The following CORO7 variants were observed in gnomAD, a reference collection of about 807,000 sequenced individuals.
The protein encoded by CORO7 is coronin-7.
A neutral mutation model predicts 126.6 loss-of-function variants in CORO7; 107 were observed. That is an observed-to-expected ratio of 0.85 (90% CI 0.72 to 0.99). The LOEUF (loss-of-function observed/expected upper bound fraction) is 0.99, where lower values mean the gene tolerates loss of function less well. Among genes scored for constraint, CORO7 ranks in the 50% least tolerant of loss-of-function variants. The pLI, the probability that CORO7 is intolerant of heterozygous loss-of-function variation, is 0.00. For synonymous variants in CORO7, 603 were observed against 536.8 expected, an observed-to-expected ratio of 1.12 and a Z score of -1.70; for missense variants, 1,314 against 1,255.8, an observed-to-expected ratio of 1.05 and a Z score of -0.70.
rs1416852176 is a variant in CORO7, at chr16:4,413,306, A to T, written c.157+2T>A. The T allele has an allele frequency of 1.3e-6, 2 of 1,572,552 alleles. No homozygotes were observed. The highest frequency in any genetic ancestry group is 1.7e-6 in the Non-Finnish European group (2 of 1,157,562). On this transcript the variant is annotated splice_donor_variant, in intron 2 of 27. Transcript: ENST00000251166. LOFTEE classifies it high-confidence loss of function. Reference sequence around the variant, plus strand: ...ATATCCACACTCATGGCCATTCCCTACCAGGACGGTCGGAGTTGAAGGCGA... The same window carrying T: ...ATATCCACACTCATGGCCATTCCCTTCCAGGACGGTCGGAGTTGAAGGCGA...
At chr16:4,405,888 C>T (rs933045900) in intron 5 of CORO7, among the ~76,000 whole-genome samples, 7 of 152,140 alleles carry the variant, frequency 4.6e-5, no homozygotes, top group Non-Finnish European at 8.8e-5. Flanking sequence ...CCCTAAGCCT[C>T]TATTCCTGCC....
At chr16:4,365,107 G>A in intron 10 of CORO7, 47 bp from the exon 11 acceptor site, 1 of 1,559,070 alleles carries the variant, frequency 6.4e-7, no homozygotes, top group Non-Finnish European at 8.7e-7. Context: ...GAACCCCTGG[G>A]GAGGGCCCAG....
Position 4,357,259 on chromosome 16 carries a change from A to G in CORO7, c.2594T>C (p.Val865Ala). 1 of 1,612,058 alleles carries G rather than the reference A, an allele frequency of 6.2e-7. No individual in the cohort carries two copies. Among genetic ancestry groups the G allele is most frequent in the Non-Finnish European group, 8.5e-7 (1 of 1,179,406 alleles). The stretch of plus-strand genomic sequence containing the variant: ...AGGGGCCTCTCGGGGGGCTTGGCTC[A>G]CTGGGACAGAGCAAGGACACGTGTC... ...LSLQPPDMSP[V>A]SQAPREAPAR... Residue 865 changes from valine to alanine, a missense_variant and splice_region_variant, in exon 26 of 28, where the codon GTG becomes GCG. Transcript: ENST00000251166.
At chr16:4,378,643 G>A (rs1002194224) in intron 9 of CORO7, among the ~76,000 whole-genome samples, 6 of 152,036 alleles carry the variant, frequency 3.9e-5, no homozygotes, top group Non-Finnish European at 7.4e-5. Flanking sequence ...GGCTGGCCGG[G>A]CCAGGGACGC....
intron 7 of CORO7, among the ~76,000 whole-genome samples, chr16:4,389,471 G>A (rs2055311030): frequency 6.6e-6 from 1 of 152,184 alleles, no homozygotes; most frequent in Admixed American, 6.5e-5. Context: ...AACTTCCCAC[G>A]ATCTCCTTGG....
rs1941992965 is a variant in CORO7, at chr16:4,360,679, G to T, written c.1918-131C>A. 5.2e-6 allele frequency: 7 copies of T among 1,357,442 alleles called. 1 individual carries two copies. Among genetic ancestry groups the T allele is most frequent in the Middle Eastern group, 2.6e-4 (1 of 3,896 alleles). The allele number at this position is 1,357,442 out of a possible 1,614,324, so 84.1% of individuals were successfully genotyped here. The stretch of plus-strand genomic sequence containing the variant: ...CTGTTCCCGCCTCTCCTCACTGCTG[G>T]TCTTGCCTCTCCTCACTGCTGGCCC... On this transcript the variant is annotated intron_variant, in intron 19 of 27. Coordinates refer to ENST00000251166, the MANE Select transcript of CORO7 (RefSeq NM_024535.5).
intron 7 of CORO7, 54 bp from the exon 8 acceptor site, chr16:4,388,685 GC>G (rs2055282272): frequency 6.4e-7 from 1 of 1,564,996 alleles, no homozygotes. Flanking sequence ...GGTGGGCGGG[GC>G]CCCCTGGAAT....
chr16:4,369,716 C>T (rs1467266778), intron 9 of CORO7, among the ~76,000 whole-genome samples: 8 of 152,164 alleles, frequency 5.3e-5, no homozygotes, highest in Non-Finnish European at 1.0e-4. Context: ...TCCAGCCCAT[C>T]CCTCCCGCTC....
At chr16:4,387,769 G>C in intron 9 of CORO7, 1 of 598,478 alleles carries the variant, frequency 1.7e-6, no homozygotes, top group South Asian at 2.1e-5. Flanking sequence ...TCTGCTACCA[G>C]GGGCCAGAGG....
intron 6 of CORO7, among the ~76,000 whole-genome samples, chr16:4,402,047 T>C (rs2055829696): frequency 6.6e-6 from 1 of 151,840 alleles, no homozygotes; most frequent in Non-Finnish European, 1.5e-5. Context: ...CAAGTTATTC[T>C]CTTGCCACAG....
At chr16:4,361,730 T>C (rs958806579) in intron 16 of CORO7, 4 of 798,482 alleles carry the variant, frequency 5.0e-6, no homozygotes, top group East Asian at 5.3e-5. Flanking sequence ...GGGCTTCGGA[T>C]CCCAGCTCCA....
chr16:4,382,549 G>A (rs1466751951), intron 9 of CORO7: 1 of 1,593,488 alleles, frequency 6.3e-7, no homozygotes, highest in Admixed American at 1.7e-5. Context: ...TACACCCCCA[G>A]CCGTCCACTC....
chr16:4,398,665 G>GAA (rs1215312750), intron 6 of CORO7, among the ~76,000 whole-genome samples: 400 of 116,418 alleles, frequency 3.4e-3, no homozygotes, highest in African/African-American at 8.4e-3. Context: ...GACTCCATCT[G>GAA]AAAAAAAAAA....
At chr16:4,403,431 G>T (rs978080745) in intron 6 of CORO7, among the ~76,000 whole-genome samples, 4 of 152,142 alleles carry the variant, frequency 2.6e-5, no homozygotes, top group African/African-American at 9.7e-5. Context: ...GCAATGCTGC[G>T]TCCCCGCAGG....
intron 9 of CORO7, among the ~76,000 whole-genome samples, chr16:4,385,572 T>C (rs1011140696): frequency 2.0e-5 from 3 of 152,166 alleles, no homozygotes; most frequent in Non-Finnish European, 4.4e-5. Flanking sequence ...TCCCTCTCGT[T>C]ATCCCCCCAC....
intron 9 of CORO7, among the ~76,000 whole-genome samples, chr16:4,380,346 T>C (rs978519163): frequency 2.6e-5 from 4 of 152,172 alleles, no homozygotes; most frequent in Non-Finnish European, 4.4e-5. Flanking sequence ...ATGGATCCCA[T>C]AGTTTCCATG....
At chr16:4,369,721 C>A (rs541088670) in intron 9 of CORO7, among the ~76,000 whole-genome samples, 5 of 152,294 alleles carry the variant, frequency 3.3e-5, no homozygotes, top group Non-Finnish European at 5.9e-5. Flanking sequence ...CCCATCCCTC[C>A]CGCTCAGGCC....
intron 9 of CORO7, among the ~76,000 whole-genome samples, chr16:4,376,238 A>C (rs1328134433): frequency 6.6e-6 from 1 of 152,198 alleles, no homozygotes; most frequent in Admixed American, 6.5e-5. Context: ...GGGCGGACCC[A>C]GCCGGGCCCT....
At chr16:4,409,410 C>A (rs889482600) in intron 3 of CORO7, among the ~76,000 whole-genome samples, 1 of 152,208 alleles carries the variant, frequency 6.6e-6, no homozygotes, top group African/African-American at 2.4e-5. Context: ...CTGGCACAGG[C>A]GGGCTGGCAT....
Sources: allele counts gnomAD v4.1 joint callset (sites outside exome capture counted in the v4.1 genomes callset), GRCh38; gene constraint gnomAD v4.1.1; transcripts MANE v1.5; gene names NCBI Gene and HGNC (gene_info 2026-07-23, HGNC 2026-07-21).